DICER1: variants seen among roughly 807,000 people sequenced by gnomAD.
DICER1 encodes dicer 1, ribonuclease III, also known as endoribonuclease Dicer.
DICER1 carries 43 observed loss-of-function variants against 194.1 expected under a neutral mutation model. The ratio of observed to expected loss-of-function variants is 0.22; its 90% CI spans 0.17 to 0.29. The LOEUF (loss-of-function observed/expected upper bound fraction) is 0.29. DICER1 is among the 10% of genes least tolerant of loss of function. DICER1 has a pLI of 1.00. For synonymous variants in DICER1, 832 were observed against 820.5 expected (o/e 1.01, Z -0.24); for missense variants, 1,608 against 2,317.0 (o/e 0.69, Z 6.28).
intron 1 of DICER1, among the ~76,000 whole-genome samples, chr14:95,144,871 T>C (rs1360593216): frequency 6.6e-6 from 1 of 151,576 alleles, no homozygotes; most frequent in Non-Finnish European, 1.5e-5. Context: ...CTCCCCCTTC[T>C]TCTACACCAG....
chr14:95,137,368 G>T (rs574149210), intron 1 of DICER1, among the ~76,000 whole-genome samples: 5 of 139,464 alleles, frequency 3.6e-5, no homozygotes, highest in Admixed American at 7.2e-5. Context: ...AAGGAAAAGG[G>T]AAGGGGGAAG....
chr14:95,131,982 G>C (rs1227076011), intron 3 of DICER1, among the ~76,000 whole-genome samples: 1 of 152,092 alleles, frequency 6.6e-6, no homozygotes, highest in Non-Finnish European at 1.5e-5. Context: ...GTTATACTGA[G>C]ACAACCTAAA....
In DICER1 at chr14:95,111,306, C is replaced by T; in HGVS notation, c.2256+11G>A. The T allele has an allele frequency of 6.2e-7, 1 of 1,614,096 alleles. No homozygotes were observed. The highest frequency in any genetic ancestry group is 1.1e-5 in the South Asian group (1 of 91,080). On this transcript the variant is annotated intron_variant, in intron 14 of 26. Coordinates refer to ENST00000343455, the MANE Select transcript of DICER1 (RefSeq NM_177438.3). ...ATGCTAGGTTTTTACTCTGTTCTAACCAATACTAACTGCTTTTGGGTAGCA... is the reference window on the plus strand; with the variant it reads ...ATGCTAGGTTTTTACTCTGTTCTAATCAATACTAACTGCTTTTGGGTAGCA...
upstream of DICER1, chr14:95,157,749 T>C (rs1021813094): frequency 6.6e-6 from 1 of 152,020 alleles, no homozygotes; most frequent in Non-Finnish European, 1.5e-5. Flanking sequence ...TGCCCGGAGT[T>C]TTTGGGGCCC....
intron 13 of DICER1, 130 bp from the exon 14 acceptor site, chr14:95,111,586 A>G: frequency 2.0e-6 from 2 of 1,002,888 alleles, no homozygotes; most frequent in South Asian, 2.7e-5. Flanking sequence ...GCCTTTTACA[A>G]TTTAAAAGTA....
rs749467333 is a variant in DICER1 at position 95,087,769 on chromosome 14, T to C, written c.*2729A>G. 3 of 233,082 alleles carry C rather than the reference T, an allele frequency of 1.3e-5. No individual in the cohort carries two copies. The highest frequency in any genetic ancestry group is 2.2e-5 in the African/African-American group (1 of 45,340). The allele number at this position is 233,082 out of a possible 1,614,324, so 14.4% of individuals were successfully genotyped here. A position where few individuals can be genotyped will look rare whatever the true frequency, so the allele number is the denominator to read the frequency against. On this transcript the variant is annotated 3_prime_UTR_variant, in exon 27 of 27. Transcript: ENST00000343455. Reference sequence around the variant, plus strand: ...CATCATAAGGAATTTCTGCAGTTGCTTTTTCAAGACACGCCTCCCCAGTCC... The same window carrying C: ...CATCATAAGGAATTTCTGCAGTTGCCTTTTCAAGACACGCCTCCCCAGTCC...
chr14:95,152,964 C>A (rs1895607957), intron 1 of DICER1, among the ~76,000 whole-genome samples: 1 of 152,034 alleles, frequency 6.6e-6, no homozygotes, highest in Admixed American at 6.5e-5. Flanking sequence ...CACCTGTAAT[C>A]CCAGCACTTT....
intron 11 of DICER1, among the ~76,000 whole-genome samples, chr14:95,114,157 T>C (rs979726804): frequency 6.6e-6 from 1 of 152,224 alleles, no homozygotes; most frequent in Non-Finnish European, 1.5e-5. Flanking sequence ...ATAAACCTAG[T>C]ATCCAGTTCT....
rs755099187 is a variant in DICER1, at chr14:95,112,296, C to T, written c.2041-49G>A. 2.1e-6 allele frequency: 3 copies of T among 1,457,294 alleles called. 1 individual carries two copies. The East Asian group carries it at 6.8e-5, about 33-fold the overall frequency. The allele number at this position is 1,457,294 out of a possible 1,614,324, so 90.3% of individuals were successfully genotyped here. On this transcript the variant is annotated intron_variant, in intron 12 of 26. Transcript: ENST00000343455. ...ATTATATATGCACATCGCTGTATTACCTCTAGCACATGAAACACCTATGAA... is the reference window on the plus strand; with the variant it reads ...ATTATATATGCACATCGCTGTATTATCTCTAGCACATGAAACACCTATGAA...
At chr14:95,145,690 A>G (rs1344020850) in intron 1 of DICER1, among the ~76,000 whole-genome samples, 1 of 152,186 alleles carries the variant, frequency 6.6e-6, no homozygotes, top group Non-Finnish European at 1.5e-5. Flanking sequence ...AAAAAACAAT[A>G]ATTTCAAGAA....
At chr14:95,102,144 G>A (rs967810609) in intron 21 of DICER1, among the ~76,000 whole-genome samples, 4 of 152,146 alleles carry the variant, frequency 2.6e-5, no homozygotes, top group East Asian at 1.9e-4. Flanking sequence ...ATCTTTTAGA[G>A]TAGTGCAGAG....
Position 95,107,954 on chromosome 14 carries a change from C to T in DICER1, c.2576G>A (p.Arg859Gln), listed in dbSNP as rs765333464. ...AAATTCTAGTGCAGGTTTTTCAAGC[C>T]GAAGAATATGTGAGAATATATACTG... ...LHQYIFSHIL[R>Q]LEKPALEFKP... is the part of the protein sequence containing the mutation. The change falls in exon 16 of 27, where the codon CGG becomes CAG. Residue 859 changes from arginine to glutamine, a missense_variant. Transcript: ENST00000343455. The T allele has an allele frequency of 2.5e-6, 4 of 1,613,792 alleles. No individual in the cohort carries two copies. The highest frequency in any genetic ancestry group is 2.2e-5 in the East Asian group (1 of 44,838).
intron 1 of DICER1, chr14:95,141,548 TTAC>T (rs1894830675): frequency 1.3e-5 from 2 of 152,226 alleles, no homozygotes; most frequent in African/African-American, 4.8e-5. Flanking sequence ...TGGCCTCTTT[TTAC>T]TACTTCCAGT....
chr14:95,094,223 T>C (rs1485597546), intron 23 of DICER1, 67 bp from the exon 24 acceptor site: 7 of 1,567,196 alleles, frequency 4.5e-6, no homozygotes, highest in Non-Finnish European at 6.1e-6. Context: ...ACATAGCAAC[T>C]GATCCCCAAA....
At chr14:95,125,522 C>G (rs369127763) in intron 7 of DICER1, among the ~76,000 whole-genome samples, 2 of 103,786 alleles carry the variant, frequency 1.9e-5, no homozygotes, top group Non-Finnish European at 3.7e-5. Flanking sequence ...GGCAGAGAGG[C>G]AGAGAGGGAG....
Position 95,105,867 on chromosome 14 carries a change from C to G in DICER1, c.2988-84G>C. ...GGTTCTCCAAAAACCACCTGAAGAGCTCATTTCAACTACAGCCTCTTGGGC... is the reference window on the plus strand; with the variant it reads ...GGTTCTCCAAAAACCACCTGAAGAGGTCATTTCAACTACAGCCTCTTGGGC... On this transcript the variant is annotated intron_variant, in intron 18 of 26. Coordinates refer to ENST00000343455, the MANE Select transcript of DICER1 (RefSeq NM_177438.3). This position sits in a 1 kb window ranked among gnomAD's most constrained non-coding sequence, Gnocchi z 4.9. 7.2e-7 allele frequency: 1 copy of G among 1,384,562 alleles called. No homozygotes were observed. 85.8% of individuals were successfully genotyped at this position (1,384,562 alleles called of 1,614,324 possible). A position where few individuals can be genotyped will look rare whatever the true frequency, so the allele number is the denominator to read the frequency against.
rs758758363 is a variant in DICER1 at position 95,095,888 on chromosome 14, T to C, written c.5032A>G (p.Lys1678Glu). 1.9e-6 allele frequency: 3 copies of C among 1,614,232 alleles called. No individual in the cohort carries two copies. Among genetic ancestry groups the C allele is most frequent in the Non-Finnish European group, 1.7e-6 (2 of 1,180,022 alleles). Residue 1678 changes from lysine to glutamate, a missense_variant, in exon 23 of 27, where the codon AAG becomes GAG. Around this residue, in one of 10 missense-constraint regions of DICER1, gnomAD observed 125 missense variants for 134.9 expected, o/e 0.93. Transcript: ENST00000343455. Reference sequence around the variant, plus strand: ...GCCTGGAGAAGGTAAGCCTTATTCTTGAATCTGTAGTTGATTTTCTTTTCA... The same window carrying C: ...GCCTGGAGAAGGTAAGCCTTATTCTCGAATCTGTAGTTGATTTTCTTTTCA... ...NFEKKINYRF[K>E]NKAYLLQAFT...
chr14:95,091,537 T>TA, intron 24 of DICER1, 172 bp from the exon 25 acceptor site: 1 of 637,134 alleles, frequency 1.6e-6, no homozygotes, highest in South Asian at 2.1e-5. Flanking sequence ...GTTATATTTT[T>TA]AAAAAAGTTT....
intron 21 of DICER1, among the ~76,000 whole-genome samples, chr14:95,100,885 G>A (rs182088177): frequency 1.3e-5 from 2 of 152,310 alleles, no homozygotes; most frequent in African/African-American, 4.8e-5. Flanking sequence ...CAGGGAAAAG[G>A]AGGGTACGTG....
Sources: gnomAD v4.1 joint callset for allele counts (sites outside exome capture counted in the v4.1 genomes callset) on GRCh38, gnomAD v4.1.1 for gene constraint, gnomAD v4.1.1 regional missense constraint, Gnocchi (gnomAD v3.1) non-coding constraint, MANE v1.5 for transcripts, NCBI Gene and HGNC (gene_info 2026-07-23, HGNC 2026-07-21) for gene names.